TM2D2: variants seen among roughly 807,000 people sequenced by gnomAD.
TM2D2 encodes TM2 domain-containing protein 2.
In TM2D2, 19 loss-of-function variants were observed where a neutral mutation model predicts 23.0. That is an observed-to-expected ratio of 0.82 (90% CI 0.58 to 1.21). TM2D2 has a LOEUF of 1.21. Ranked by LOEUF, TM2D2 falls within the 50% of genes most tolerant of loss-of-function variation. The probability of loss-of-function intolerance (pLI) is 0.00; values close to 1 mark genes in which losing one functional copy is unlikely to be tolerated. For missense variants in TM2D2, 246 were observed against 265.4 expected, an observed-to-expected ratio of 0.93 and a Z score of 0.51; for synonymous variants, 120 against 108.8, an observed-to-expected ratio of 1.10 and a Z score of -0.64.
intron 3 of TM2D2, among the ~76,000 whole-genome samples, chr8:38,992,303 C>CAAAAAAAA (rs11332696): frequency 1.3e-4 from 6 of 47,416 alleles, no homozygotes; most frequent in East Asian, 8.5e-4. Flanking sequence ...CTGTTTCTAC[C>CAAAAAAAA]AAAAAAAAAA....
intron 3 of TM2D2, among the ~76,000 whole-genome samples, chr8:38,993,269 C>G (rs911909888): frequency 2.0e-5 from 3 of 152,160 alleles, no homozygotes; most frequent in African/African-American, 7.2e-5. Flanking sequence ...CATAGACCCT[C>G]TTTGGTGCTT....
At chr8:38,992,648 A>G (rs1448703236) in intron 3 of TM2D2, among the ~76,000 whole-genome samples, 2 of 152,204 alleles carry the variant, frequency 1.3e-5, no homozygotes, top group African/African-American at 2.4e-5. Flanking sequence ...GGATTGGACA[A>G]GAAGTCATCA....
chr8:38,996,618 G>A, upstream of TM2D2: 1 of 1,440,878 alleles, frequency 6.9e-7, no homozygotes, highest in Non-Finnish European at 9.1e-7. Flanking sequence ...AGAAAAGGTC[G>A]AGCAGACGGG....
intron 1 of TM2D2, chr8:38,995,698 G>C: frequency 2.3e-6 from 3 of 1,306,978 alleles, no homozygotes; most frequent in Non-Finnish European, 2.9e-6. Context: ...AAGATTCTGG[G>C]GGCAAAATTT....
Position 38,991,324 on chromosome 8 carries a change from A to G in TM2D2, c.*8T>C. 6.2e-7 allele frequency: 1 copy of G among 1,612,274 alleles called. No individual in the cohort carries two copies. Among genetic ancestry groups the G allele is most frequent in the African/African-American group, 1.3e-5 (1 of 75,026 alleles). On this transcript the variant is annotated 3_prime_UTR_variant, in exon 4 of 4. Coordinates refer to ENST00000456397, the MANE Select transcript of TM2D2 (RefSeq NM_078473.3). The stretch of plus-strand genomic sequence containing the variant: ...ACCCGCCTCCCTGGGCCATGATGGC[A>G]GCTCTTCTTAGTAAACAGTGCACCA...
intron 1 of TM2D2, among the ~76,000 whole-genome samples, 178 bp downstream of exon 1, chr8:38,996,035 C>CA (rs942715414): frequency 2.4e-4 from 36 of 152,174 alleles, no homozygotes; most frequent in Non-Finnish European, 2.4e-4. Context: ...CACTGACACA[C>CA]AAGAGTTTTC....
At chr8:38,992,858 G>T (rs1390705466) in intron 3 of TM2D2, among the ~76,000 whole-genome samples, 1 of 152,154 alleles carries the variant, frequency 6.6e-6, no homozygotes, top group South Asian at 2.1e-4. Flanking sequence ...TCTTCATAAG[G>T]CTCTGCCCTT....
intron 1 of TM2D2, chr8:38,995,785 T>C (rs1835755755): frequency 1.2e-5 from 15 of 1,247,972 alleles, no homozygotes; most frequent in South Asian, 2.3e-5. Flanking sequence ...TGTTAAAAAA[T>C]GGCGTGATTC....
At position 38,991,059 on chromosome 8, in the gene TM2D2, G is replaced by A. The variant is rs909799397; in HGVS notation, c.*273C>T. Reference sequence around the variant, plus strand: ...GGAAGACTATGGAAACCCATCCACAGCTTGTAAACTCGCCACTATCCTTTA... The same window carrying A: ...GGAAGACTATGGAAACCCATCCACAACTTGTAAACTCGCCACTATCCTTTA... On this transcript the variant is annotated 3_prime_UTR_variant, in exon 4 of 4. Coordinates refer to ENST00000456397, the MANE Select transcript of TM2D2 (RefSeq NM_078473.3). 8.2e-6 allele frequency: 4 copies of A among 488,392 alleles called. No individual in the cohort carries two copies. The highest frequency in any genetic ancestry group is 6.9e-5 in the Admixed American group (2 of 28,996). The allele number at this position is 488,392 out of a possible 1,614,324, so 30.3% of individuals were successfully genotyped here.
rs374696018 is a variant in TM2D2 at position 38,991,404 on chromosome 8, A to G, written c.573T>C (p.Phe191=). 1.1e-5 allele frequency: 17 copies of G among 1,614,012 alleles called. No homozygotes were observed. The African/African-American group carries it at 1.2e-4, about 11-fold the overall frequency. The change falls in exon 4 of 4, where the codon TTT becomes TTC. Residue 191 remains phenylalanine (F), a synonymous_variant. Coordinates refer to ENST00000456397, the MANE Select transcript of TM2D2 (RefSeq NM_078473.3). The part of the protein sequence containing the change: ...LTLGGLGIWW[F]VDLILLITGG... Reference sequence around the variant, plus strand: ...CAGTAATTAGCAAAATAAGGTCAACAAACCACCAAATCCCAAGTCCTCCAA... The same window carrying G: ...CAGTAATTAGCAAAATAAGGTCAACGAACCACCAAATCCCAAGTCCTCCAA...
In TM2D2 at chr8:38,990,084, T is replaced by G. The variant is rs1455993147; in HGVS notation, c.*1248A>C. ...TTCAAGACAGAATAGGATCATCTGT[T>G]TTAAATTTTTTACAGAAAATTGCCA... On this transcript the variant is annotated 3_prime_UTR_variant, in exon 4 of 4. Transcript: ENST00000456397. The G allele has an allele frequency of 6.6e-6, 1 of 152,258 alleles. No individual in the cohort carries two copies. The highest frequency in any genetic ancestry group is 1.5e-5 in the Non-Finnish European group (1 of 68,042). The allele number at this position is 152,258 out of a possible 1,614,324, so 9.4% of individuals were successfully genotyped here.
rs1235618951 is a variant in TM2D2, at chr8:38,991,247, A to G, written c.*85T>C. The G allele has an allele frequency of 2.2e-5, 25 of 1,127,650 alleles. No homozygotes were observed. The highest frequency in any genetic ancestry group is 2.6e-5 in the Non-Finnish European group (20 of 769,418). 69.9% of individuals were successfully genotyped at this position (1,127,650 alleles called of 1,614,324 possible). On this transcript the variant is annotated 3_prime_UTR_variant, in exon 4 of 4. Transcript: ENST00000456397. ...GAAGGAAAATAACATCAGGTCTGAT[A>G]TCAAAGAGGAGTTTTGAGCCTGTAG...
chr8:38,995,168 G>A (rs2129429324), intron 2 of TM2D2, 150 bp downstream of exon 2: 1 of 610,004 alleles, frequency 1.6e-6, no homozygotes, highest in East Asian at 3.3e-5. Context: ...TTCAGTCACT[G>A]ACCCTGGCCA....
In TM2D2 at chr8:38,995,396, T is replaced by A. The variant is rs769979360; in HGVS notation, c.237A>T (p.Glu79Asp). The A allele has an allele frequency of 1.9e-6, 3 of 1,612,654 alleles. No individual in the cohort carries two copies. In the South Asian group the frequency reaches 3.3e-5, roughly 18 times the overall value. Residue 79 changes from glutamate (E) to aspartate (D), a missense_variant, in exon 2 of 4, where the codon GAA (glutamate) becomes GAT (aspartate). Transcript: ENST00000456397. ...PVILCSYLPD[E>D]FIECEDPVDH... is the part of the protein sequence containing the mutation. The stretch of plus-strand genomic sequence containing the variant: ...CCACTGGGTCTTCACATTCTATAAA[T>A]TCATCAGGTCTGTAATTCACCAGTA...
chr8:38,992,503 G>A (rs996303421), intron 3 of TM2D2, among the ~76,000 whole-genome samples: 9 of 144,700 alleles, frequency 6.2e-5, no homozygotes, highest in South Asian at 2.2e-4. Flanking sequence ...AAAAAAATAC[G>A]CATTTTTTTA....
At chr8:38,995,726 G>T in intron 1 of TM2D2, 2 of 1,295,840 alleles carry the variant, frequency 1.5e-6, no homozygotes, top group South Asian at 2.3e-5. Context: ...AGTATTCTCA[G>T]TCCTCTTTGC....
At chr8:38,991,776 G>A (rs1002654268) in intron 3 of TM2D2, among the ~76,000 whole-genome samples, 2 of 152,118 alleles carry the variant, frequency 1.3e-5, no homozygotes, top group Non-Finnish European at 2.9e-5. Context: ...GTTATACAAG[G>A]CTACCTGGCA....
chr8:38,996,512 G>A (rs989275272), upstream of TM2D2: 10 of 1,585,166 alleles, frequency 6.3e-6, no homozygotes, highest in East Asian at 2.3e-5. Flanking sequence ...CAAGAACTGC[G>A]TGGTCAGGCC....
rs954124972 is a variant in TM2D2 at position 38,989,101 on chromosome 8, A to C, written c.*2231T>G. On this transcript the variant is annotated 3_prime_UTR_variant, in exon 4 of 4. Transcript: ENST00000456397. The stretch of plus-strand genomic sequence containing the variant: ...AGATGGATGATGGGTGTCATTTACA[A>C]GTCAAATGAAAACCAGTAATTTTGG... The C allele has an allele frequency of 1.6e-4, 25 of 152,252 alleles. No homozygotes were observed. Among genetic ancestry groups the C allele is most frequent in the African/African-American group, 5.5e-4 (23 of 41,464 alleles). The allele number at this position is 152,252 out of a possible 1,614,324, so 9.4% of individuals were successfully genotyped here.
Sources: gnomAD v4.1 joint callset for allele counts (sites outside exome capture counted in the v4.1 genomes callset) on GRCh38, gnomAD v4.1.1 for gene constraint, MANE v1.5 for transcripts, NCBI Gene and HGNC (gene_info 2026-07-23, HGNC 2026-07-21) for gene names.